The following TMEM245 variants were observed in gnomAD, a reference collection of about 807,000 sequenced individuals.
TMEM245 encodes the protein transmembrane protein 245, also known as protein CG-2.
A neutral mutation model predicts 101.2 loss-of-function variants in TMEM245; 69 were observed. That is an observed-to-expected ratio of 0.68 (90% confidence interval 0.56 to 0.83). The LOEUF (loss-of-function observed/expected upper bound fraction) is 0.83. TMEM245 is among the 40% of genes least tolerant of loss of function. The pLI, the probability that TMEM245 is intolerant of heterozygous loss-of-function variation, is 0.00. For missense variants in TMEM245, 1,075 were observed against 1,092.8 expected (o/e 0.98, Z 0.23); for synonymous variants, 537 against 449.8 (o/e 1.19, Z -2.45).
intron 1 of TMEM245, among the ~76,000 whole-genome samples, chr9:109,111,777 T>A (rs1257045861): frequency 6.6e-6 from 1 of 152,200 alleles, no homozygotes; most frequent in African/African-American, 2.4e-5. Flanking sequence ...TATACAGTGC[T>A]ACAGTGTCAA....
intron 11 of TMEM245, among the ~76,000 whole-genome samples, chr9:109,058,381 T>A (rs959576195): frequency 6.6e-6 from 1 of 152,030 alleles, no homozygotes; most frequent in African/African-American, 2.4e-5. Context: ...CGTAAGGCAG[T>A]AAATAGAATT....
rs1263788198 is a variant in TMEM245 at position 109,037,905 on chromosome 9, G to A, written c.2224+112C>T. 10 of 778,938 alleles carry A rather than the reference G, an allele frequency of 1.3e-5. No homozygotes were observed. In the East Asian group the frequency reaches 1.6e-4, roughly 13 times the overall value. 48.3% of individuals were successfully genotyped at this position (778,938 alleles called of 1,614,324 possible). ...TAATGTGGACTAGATTCGATCTCAAGCCAAAAAATTTAGTTTTTTAAACTT... is the reference window on the plus strand; with the variant it reads ...TAATGTGGACTAGATTCGATCTCAAACCAAAAAATTTAGTTTTTTAAACTT... On this transcript the variant is annotated intron_variant, in intron 15 of 17. Transcript: ENST00000374586.
chr9:109,029,754 G>T (rs551080143), intron 17 of TMEM245, among the ~76,000 whole-genome samples: 1 of 152,332 alleles, frequency 6.6e-6, no homozygotes, highest in Middle Eastern at 3.4e-3. Context: ...CAAGCCAAAA[G>T]GACAGCACTC....
intron 3 of TMEM245, among the ~76,000 whole-genome samples, chr9:109,105,069 A>T (rs1036467247): frequency 6.6e-6 from 1 of 152,228 alleles, no homozygotes; most frequent in Non-Finnish European, 1.5e-5. Flanking sequence ...GTAAAAATAC[A>T]ACCCACCAAT....
At chr9:109,106,656 T>C in intron 2 of TMEM245, 47 bp from the exon 3 acceptor site, 1 of 1,372,926 alleles carries the variant, frequency 7.3e-7, no homozygotes, top group Non-Finnish European at 1.0e-6. Context: ...AAAAACCTAG[T>C]ACTTGTTTTT....
At chr9:109,039,923 C>T (rs1399852128) in intron 14 of TMEM245, among the ~76,000 whole-genome samples, 1 of 152,064 alleles carries the variant, frequency 6.6e-6, no homozygotes, top group African/African-American at 2.4e-5. Context: ...GTGATCCTTT[C>T]TTTAACCTTA....
intron 1 of TMEM245, 121 bp from the exon 2 acceptor site, chr9:109,108,691 A>C (rs1442316796): frequency 3.2e-6 from 2 of 627,332 alleles, no homozygotes; most frequent in Non-Finnish European, 2.6e-6. Context: ...GAAAAGATGA[A>C]GGTTGATGGT....
chr9:109,115,522 CTTTTT>C (rs752894720), intron 1 of TMEM245, among the ~76,000 whole-genome samples: 1 of 67,194 alleles, frequency 1.5e-5, no homozygotes, highest in Non-Finnish European at 2.6e-5. Flanking sequence ...TAACTGGAAT[CTTTTT>C]TTTTTTTTTT....
At chr9:109,087,564 C>T (rs1376741975) in intron 5 of TMEM245, among the ~76,000 whole-genome samples, 1 of 152,166 alleles carries the variant, frequency 6.6e-6, no homozygotes, top group Non-Finnish European at 1.5e-5. Flanking sequence ...ATATTATCTT[C>T]TTCCTGAAGT....
intron 10 of TMEM245, among the ~76,000 whole-genome samples, chr9:109,062,649 T>C (rs1276175052): frequency 6.6e-6 from 1 of 152,184 alleles, no homozygotes; most frequent in Non-Finnish European, 1.5e-5. Flanking sequence ...GATTTATTCA[T>C]AAACTGAAAA....
intron 17 of TMEM245, among the ~76,000 whole-genome samples, chr9:109,027,288 C>A (rs1266864314): frequency 6.6e-6 from 1 of 151,908 alleles, no homozygotes; most frequent in Non-Finnish European, 1.5e-5. Flanking sequence ...CACCTCCCAC[C>A]CCAGCCAAGC....
At chr9:109,117,819 CTT>C in intron 1 of TMEM245, among the ~76,000 whole-genome samples, 1 of 152,358 alleles carries the variant, frequency 6.6e-6, no homozygotes, top group East Asian at 1.9e-4. Flanking sequence ...ATAAATGTGT[CTT>C]TGACAAAACT....
Position 109,020,192 on chromosome 9 carries a change from T to C in TMEM245, c.*268A>G, listed in dbSNP as rs935040049. 4.4e-6 allele frequency: 2 copies of C among 455,196 alleles called. No homozygotes were observed. The highest frequency in any genetic ancestry group is 2.0e-5 in the African/African-American group (1 of 50,518). The allele number at this position is 455,196 out of a possible 1,614,324, so 28.2% of individuals were successfully genotyped here. A position where few individuals can be genotyped will look rare whatever the true frequency, so the allele number is the denominator to read the frequency against. ...GAAAAATTTCAAGCCAGGGTACCAG[T>C]GTATAAAATGAAACTTTTCAAGCCA... On this transcript the variant is annotated 3_prime_UTR_variant, in exon 18 of 18. Transcript: ENST00000374586.
chr9:109,033,854 C>A (rs1828040159), intron 16 of TMEM245, among the ~76,000 whole-genome samples: 1 of 152,168 alleles, frequency 6.6e-6, no homozygotes, highest in South Asian at 2.1e-4. Flanking sequence ...AAGTTAACCT[C>A]CATCAAGGAT....
At chr9:109,064,091 A>AG (rs1379823685) in intron 10 of TMEM245, among the ~76,000 whole-genome samples, 1 of 152,226 alleles carries the variant, frequency 6.6e-6, no homozygotes, top group Non-Finnish European at 1.5e-5. Context: ...AAACAGTAAA[A>AG]GAAAAAAAAA....
intron 8 of TMEM245, among the ~76,000 whole-genome samples, chr9:109,079,074 G>A (rs1334767410): frequency 1.3e-5 from 2 of 152,124 alleles, no homozygotes; most frequent in East Asian, 3.8e-4. Flanking sequence ...ATGCAAGAAT[G>A]TCACCTGTTT....
chr9:109,112,541 C>CAA (rs533252943), intron 1 of TMEM245, among the ~76,000 whole-genome samples: 1,452 of 106,542 alleles, frequency 0.014, 10 homozygotes, highest in Non-Finnish European at 0.017. Context: ...AACTCCATCT[C>CAA]AAAAAAAAAA....
intron 9 of TMEM245, chr9:109,073,134 A>T: frequency 1.9e-6 from 1 of 521,424 alleles, no homozygotes; most frequent in Middle Eastern, 3.1e-4. Flanking sequence ...ATTATAAAAC[A>T]AAGTATCATT....
chr9:109,085,563 T>C (rs767083468), intron 7 of TMEM245, among the ~76,000 whole-genome samples: 45 of 152,256 alleles, frequency 3.0e-4, no homozygotes, highest in Non-Finnish European at 1.0e-4. Context: ...AAGGAAACCA[T>C]ACAAATATTT....
Sources: gnomAD v4.1 joint callset for allele counts (sites outside exome capture counted in the v4.1 genomes callset) on GRCh38, gnomAD v4.1.1 for gene constraint, MANE v1.5 for transcripts, NCBI Gene and HGNC (gene_info 2026-07-23, HGNC 2026-07-21) for gene names.